PLCH1: variants seen among roughly 807,000 people sequenced by gnomAD.
PLCH1 encodes phospholipase C eta 1, also known as 1-phosphatidylinositol 4,5-bisphosphate phosphodiesterase eta-1.
PLCH1 carries 60 observed loss-of-function variants against 126.7 expected under a neutral mutation model. The ratio of observed to expected loss-of-function variants is 0.47; its 90% CI spans 0.38 to 0.59. PLCH1 has a LOEUF of 0.59. PLCH1 is among the 20% of genes least tolerant of loss of function. The pLI, the probability that PLCH1 is intolerant of heterozygous loss-of-function variation, is 0.00. For synonymous variants in PLCH1, 719 were observed against 734.9 expected, an observed-to-expected ratio of 0.98 and a Z score of 0.35; for missense variants, 1,723 against 2,040.0, an observed-to-expected ratio of 0.84 and a Z score of 2.99.
chr3:155,612,921 A>G (rs552463665), intron 2 of PLCH1, among the ~76,000 whole-genome samples: 25 of 151,506 alleles, frequency 1.7e-4, no homozygotes, highest in Admixed American at 3.9e-4. Flanking sequence ...AAAAAAAAAA[A>G]AAAAGAAAAG....
intron 21 of PLCH1, among the ~76,000 whole-genome samples, chr3:155,451,003 G>C (rs1056069228): frequency 1.6e-4 from 25 of 152,054 alleles, no homozygotes; most frequent in African/African-American, 5.8e-4. Context: ...CAGCAAAGCT[G>C]TTTAAATATG....
Position 155,481,112 on chromosome 3 carries a change from G to C in PLCH1, c.4914C>G (p.Gly1638=), listed in dbSNP as rs140431256. The change falls in exon 23 of 23, where the codon GGC becomes GGG. Residue 1638 remains glycine, a synonymous_variant. Coordinates refer to ENST00000460012, the MANE Select transcript of PLCH1 (RefSeq NM_014996.4). This position sits in a 1 kb window ranked among gnomAD's most constrained non-coding sequence, Gnocchi z 4.2. ...CCTCTGGGATGCCCCGGCCTTCAAGGCCACCCCCTTTCGTGTTCTTCAGGT... is the reference window on the plus strand; with the variant it reads ...CCTCTGGGATGCCCCGGCCTTCAAGCCCACCCCCTTTCGTGTTCTTCAGGT... ...AGYLKNTKGG[G]LEGRGIPEGA... The C allele has an allele frequency of 1.9e-5, 30 of 1,614,206 alleles. No homozygotes were observed. The Admixed American group carries it at 3.5e-4, about 19-fold the overall frequency.
chr3:155,722,191 T>A (rs1268916887), intron 1 of PLCH1, among the ~76,000 whole-genome samples: 1 of 152,032 alleles, frequency 6.6e-6, no homozygotes, highest in East Asian at 1.9e-4. Context: ...GAGATGGAGT[T>A]TCGCTCCTGT....
intron 1 of PLCH1, among the ~76,000 whole-genome samples, chr3:155,729,869 A>C (rs973301144): frequency 6.0e-5 from 9 of 150,992 alleles, no homozygotes; most frequent in African/African-American, 2.2e-4. Flanking sequence ...GGTTGCAGTG[A>C]GCAAGAGATC....
chr3:155,651,420 A>T (rs1406523770), intron 2 of PLCH1, among the ~76,000 whole-genome samples: 1 of 152,086 alleles, frequency 6.6e-6, no homozygotes, highest in East Asian at 1.9e-4. Context: ...AAACTGTCAA[A>T]CTGTCAATTG....
intron 10 of PLCH1, among the ~76,000 whole-genome samples, chr3:155,542,134 A>C (rs945594442): frequency 5.9e-5 from 9 of 152,216 alleles, no homozygotes; most frequent in Non-Finnish European, 5.9e-5. Context: ...TTCCCAGTCA[A>C]AGAAAGGGGT....
chr3:155,553,979 A>G, intron 9 of PLCH1, 97 bp downstream of exon 9: 1 of 1,123,330 alleles, frequency 8.9e-7, no homozygotes, highest in Non-Finnish European at 1.3e-6. Context: ...GGCAGTGTAG[A>G]GTCCAAGGAA....
intron 11 of PLCH1, among the ~76,000 whole-genome samples, chr3:155,520,653 A>C (rs939472964): frequency 1.3e-5 from 2 of 152,242 alleles, no homozygotes; most frequent in African/African-American, 4.8e-5. Context: ...AAGATGAATA[A>C]TGGTGACTTC....
intron 2 of PLCH1, among the ~76,000 whole-genome samples, chr3:155,636,324 T>C (rs1012335601): frequency 6.6e-6 from 1 of 152,220 alleles, no homozygotes; most frequent in Admixed American, 6.5e-5. Context: ...GTTGCTGTTG[T>C]TGTTGTTTTT....
At chr3:155,513,973 G>C (rs550507256) in intron 12 of PLCH1, among the ~76,000 whole-genome samples, 1 of 152,270 alleles carries the variant, frequency 6.6e-6, no homozygotes, top group South Asian at 2.1e-4. Context: ...TATGGACCAA[G>C]AAACATGTAA....
chr3:155,500,118 A>T (rs1315171241), intron 14 of PLCH1, among the ~76,000 whole-genome samples: 4 of 152,214 alleles, frequency 2.6e-5, no homozygotes, highest in African/African-American at 9.6e-5. Context: ...ATGTGTCACG[A>T]TTTGGATTCT....
chr3:155,475,463 TA>T (rs1486498149), downstream of PLCH1, among the ~76,000 whole-genome samples: 1 of 151,424 alleles, frequency 6.6e-6, no homozygotes, highest in Non-Finnish European at 1.5e-5. Flanking sequence ...AAATAAATAA[TA>T]AAGATCAGAG....
intron 21 of PLCH1, among the ~76,000 whole-genome samples, chr3:155,470,486 A>C (rs1312215038): frequency 5.3e-5 from 8 of 152,264 alleles, no homozygotes; most frequent in African/African-American, 4.8e-5. Flanking sequence ...AATGGAACCA[A>C]GTTGGAAAAC....
chr3:155,549,279 G>A (rs1725791567), intron 10 of PLCH1, among the ~76,000 whole-genome samples: 1 of 152,154 alleles, frequency 6.6e-6, no homozygotes, highest in Admixed American at 6.6e-5. Flanking sequence ...TGAGTCCTGT[G>A]GGGCATTATT....
At chr3:155,598,197 T>A (rs1448986803) in intron 2 of PLCH1, among the ~76,000 whole-genome samples, 2 of 151,214 alleles carry the variant, frequency 1.3e-5, no homozygotes, top group African/African-American at 4.9e-5. Flanking sequence ...AAAAAAAAAA[T>A]TACTTAAAAT....
At position 155,566,240 on chromosome 3, in the gene PLCH1, CAT is replaced by C. The variant is rs756739774; in HGVS notation, c.866-1124_866-1123del. 3.3e-3 allele frequency among the ~76,000 whole-genome samples: 329 copies of C among 101,132 alleles called. 28 individuals are homozygous for C. Among genetic ancestry groups the C allele is most frequent in the African/African-American group, 9.9e-3 (277 of 28,036 alleles). 66.3% of individuals were successfully genotyped at this position (101,132 alleles called of 152,430 possible). A position where few individuals can be genotyped will look rare whatever the true frequency, so the allele number is the denominator to read the frequency against. On this transcript the variant is annotated intron_variant, in intron 7 of 22. Coordinates refer to ENST00000460012, the MANE Select transcript of PLCH1 (RefSeq NM_014996.4). ...ATACGTATATATACACATATATATA[CAT>C]ATATATACGTATATATACACATATA... is the stretch of plus-strand genomic sequence containing the variant.
chr3:155,514,741 TA>T lies in PLCH1; in HGVS notation c.1613del (p.Leu538Ter). On this transcript the variant is annotated frameshift_variant, in exon 12 of 23. Transcript: ENST00000460012. LOFTEE classifies it high-confidence loss of function. Reference sequence around the variant, plus strand: ...CAGATACCTGCTTCAGGTGTGCATTTAAGCCTTCATGCGTGGCCTTCAGTAG... The same window carrying T: ...CAGATACCTGCTTCAGGTGTGCATTTAGCCTTCATGCGTGGCCTTCAGTAG... ...RALLKATHEG[L>X]NAHLKQSPDV... 1 of 1,592,638 alleles carries T rather than the reference TA, an allele frequency of 6.3e-7. No homozygotes were observed. The highest frequency in any genetic ancestry group is 8.6e-7 in the Non-Finnish European group (1 of 1,167,284).
intron 6 of PLCH1, 127 bp from the exon 7 acceptor site, chr3:155,568,451 G>A: frequency 4.4e-6 from 2 of 453,066 alleles, no homozygotes; most frequent in Non-Finnish European, 8.0e-6. Context: ...CATTGTTTGG[G>A]GTTATTAGTG....
At chr3:155,626,440 C>G (rs1379349091) in intron 2 of PLCH1, among the ~76,000 whole-genome samples, 2 of 152,074 alleles carry the variant, frequency 1.3e-5, no homozygotes, top group African/African-American at 2.4e-5. Flanking sequence ...TTCACACTTC[C>G]TCTAATGTGG....
Sources: allele counts gnomAD v4.1 joint callset (sites outside exome capture counted in the v4.1 genomes callset), GRCh38; gene constraint gnomAD v4.1.1; non-coding constraint Gnocchi (gnomAD v3.1); transcripts MANE v1.5; gene names NCBI Gene and HGNC (gene_info 2026-07-23, HGNC 2026-07-21).